GFPT1: variants seen among roughly 807,000 people sequenced by gnomAD.
GFPT1 encodes the protein glutamine--fructose-6-phosphate aminotransferase [isomerizing] 1.
In GFPT1, 40 loss-of-function variants were observed where a neutral mutation model predicts 92.0. The observed-to-expected ratio is 0.43, with a 90% confidence interval of 0.34 to 0.57. GFPT1 has a LOEUF of 0.57. Among genes scored for constraint, GFPT1 ranks in the 20% least tolerant of loss-of-function variants. GFPT1 has a pLI of 0.02. For missense variants in GFPT1, 448 were observed against 869.1 expected, an observed-to-expected ratio of 0.52 and a Z score of 6.09; for synonymous variants, 269 against 280.6, an observed-to-expected ratio of 0.96 and a Z score of 0.41.
Position 69,329,435 on chromosome 2 carries a change from A to G in GFPT1, c.1598-11T>C. 6.3e-7 allele frequency: 1 copy of G among 1,589,298 alleles called. No individual in the cohort carries two copies. On this transcript the variant is annotated splice_polypyrimidine_tract_variant and intron_variant, in intron 16 of 19. Transcript: ENST00000357308. ...CTTCCTTAATCAAATCTAAGAAGTA[A>G]TATTAGCAAAAAAGGACAATAAACC...
At position 69,322,244 on chromosome 2, in the gene GFPT1, C is replaced by G. The variant is rs1670418255; in HGVS notation, c.*3945G>C. The G allele has an allele frequency of 6.6e-6, 1 of 152,176 alleles. No homozygotes were observed. Among genetic ancestry groups the G allele is most frequent in the South Asian group, 2.1e-4 (1 of 4,830 alleles). 9.4% of individuals were successfully genotyped at this position (152,176 alleles called of 1,614,324 possible). A position where few individuals can be genotyped will look rare whatever the true frequency, so the allele number is the denominator to read the frequency against. ...ATGAAAATATCACTCCCTTCAATTT[C>G]TTTGGCCTTCACAAATTCAATGTGA... On this transcript the variant is annotated 3_prime_UTR_variant, in exon 20 of 20. Coordinates refer to ENST00000357308, the MANE Select transcript of GFPT1 (RefSeq NM_001244710.2).
Position 69,337,885 on chromosome 2 carries a change from G to C in GFPT1, c.1482+13C>G. On this transcript the variant is annotated intron_variant, in intron 15 of 19. Coordinates refer to ENST00000357308, the MANE Select transcript of GFPT1 (RefSeq NM_001244710.2). ...GATTAAATAATCATCAGAGAAATGA[G>C]TCAAGAATTTACCTTTGTACTGGCC... 1 of 1,606,986 alleles carries C rather than the reference G, an allele frequency of 6.2e-7. No homozygotes were observed. Among genetic ancestry groups the C allele is most frequent in the South Asian group, 1.1e-5 (1 of 90,924 alleles).
chr2:69,363,873 G>A (rs888447487), intron 3 of GFPT1, among the ~76,000 whole-genome samples: 1 of 152,192 alleles, frequency 6.6e-6, no homozygotes, highest in Admixed American at 6.5e-5. Flanking sequence ...CCAGCACTGT[G>A]GGAGGCCGAG....
rs981757160 is a variant in GFPT1 at position 69,387,206 on chromosome 2, G to A, written c.-135C>T. 14 of 984,510 alleles carry A rather than the reference G, an allele frequency of 1.4e-5. No homozygotes were observed. The highest frequency in any genetic ancestry group is 2.0e-5 in the Non-Finnish European group (14 of 700,470). The allele number at this position is 984,510 out of a possible 1,614,324, so 61.0% of individuals were successfully genotyped here. On this transcript the variant is annotated 5_prime_UTR_variant, in exon 1 of 20. Transcript: ENST00000357308. The stretch of plus-strand genomic sequence containing the variant: ...GACACGACTCCCTCGGGGATGCGAC[G>A]GCCAAGGCAACGACAGCCTTCTCCG...
Position 69,322,391 on chromosome 2 carries a change from A to T in GFPT1, c.*3798T>A, listed in dbSNP as rs1306567025. 6.6e-6 allele frequency: 1 copy of T among 152,204 alleles called. No homozygotes were observed. Among genetic ancestry groups the T allele is most frequent in the Non-Finnish European group, 1.5e-5 (1 of 67,970 alleles). The allele number at this position is 152,204 out of a possible 1,614,324, so 9.4% of individuals were successfully genotyped here. ...TGCTATGGTATATGCTAATTTTTTT[A>T]AAAGGGGAAAAAAAAACCCAGAGAA... On this transcript the variant is annotated 3_prime_UTR_variant, in exon 20 of 20. Coordinates refer to ENST00000357308, the MANE Select transcript of GFPT1 (RefSeq NM_001244710.2).
chr2:69,328,741 C>G (rs2104598936), intron 17 of GFPT1, among the ~76,000 whole-genome samples: 1 of 144,572 alleles, frequency 6.9e-6, no homozygotes, highest in African/African-American at 2.6e-5. Flanking sequence ...TCTTCGATCG[C>G]CCAGGCTGGA....
chr2:69,349,014 T>C (rs772206759), intron 10 of GFPT1, among the ~76,000 whole-genome samples: 5 of 152,114 alleles, frequency 3.3e-5, no homozygotes, highest in Non-Finnish European at 7.4e-5. Flanking sequence ...TCCCTCTACC[T>C]GTTAACCTAA....
chr2:69,344,861 G>A (rs561663007), intron 12 of GFPT1, among the ~76,000 whole-genome samples: 2 of 151,958 alleles, frequency 1.3e-5, no homozygotes, highest in South Asian at 4.2e-4. Context: ...TAGAATTCCT[G>A]AGCTCAAGCG....
At chr2:69,375,052 C>T (rs1671838930) in intron 1 of GFPT1, among the ~76,000 whole-genome samples, 1 of 152,084 alleles carries the variant, frequency 6.6e-6, no homozygotes, top group Admixed American at 6.6e-5. Flanking sequence ...AGCAGTAATA[C>T]AATGTGAACT....
chr2:69,369,965 G>T lies in GFPT1; in HGVS notation c.223+36C>A, dbSNP rs1486418645. 6 of 1,156,060 alleles carry T rather than the reference G, an allele frequency of 5.2e-6. No homozygotes were observed. In the African/African-American group the frequency reaches 6.0e-5, roughly 12 times the overall value. 71.6% of individuals were successfully genotyped at this position (1,156,060 alleles called of 1,614,324 possible). A position where few individuals can be genotyped will look rare whatever the true frequency, so the allele number is the denominator to read the frequency against. On this transcript the variant is annotated intron_variant, in intron 3 of 19. Transcript: ENST00000357308. ...AATGGGGAGGGGAAAAGGAAGAGAAGGGGAAAGGGGACAAAAATCAAATTA... is the reference window on the plus strand; with the variant it reads ...AATGGGGAGGGGAAAAGGAAGAGAATGGGAAAGGGGACAAAAATCAAATTA...
At chr2:69,357,546 A>G (rs1159214436) in intron 6 of GFPT1, among the ~76,000 whole-genome samples, 4 of 152,184 alleles carry the variant, frequency 2.6e-5, no homozygotes, top group African/African-American at 4.8e-5. Flanking sequence ...GGGAAAGGGA[A>G]GGAATAGGCC....
rs1670373803 is a variant in GFPT1, at chr2:69,320,187, C to T, written c.*6002G>A. On this transcript the variant is annotated 3_prime_UTR_variant, in exon 20 of 20. Coordinates refer to ENST00000357308, the MANE Select transcript of GFPT1 (RefSeq NM_001244710.2). The stretch of plus-strand genomic sequence containing the variant: ...CTAGTGATACTGATAACATCTAGAC[C>T]TTTGCAGACGTTTAGAGTACTGTAC... 6.6e-6 allele frequency: 1 copy of T among 152,188 alleles called. No homozygotes were observed. The highest frequency in any genetic ancestry group is 2.1e-4 in the South Asian group (1 of 4,830). 9.4% of individuals were successfully genotyped at this position (152,188 alleles called of 1,614,324 possible).
Position 69,387,147 on chromosome 2 carries a change from G to A in GFPT1, c.-76C>T. 6.8e-7 allele frequency: 1 copy of A among 1,466,908 alleles called. No homozygotes were observed. Among genetic ancestry groups the A allele is most frequent in the Non-Finnish European group, 9.0e-7 (1 of 1,108,654 alleles). 90.9% of individuals were successfully genotyped at this position (1,466,908 alleles called of 1,614,324 possible). A position where few individuals can be genotyped will look rare whatever the true frequency, so the allele number is the denominator to read the frequency against. ...GGGGGTGCACACACGAGCTTCGGTG[G>A]GCAATCTGCGGGCTCGGGGGCCGGG... is the stretch of plus-strand genomic sequence containing the variant. On this transcript the variant is annotated 5_prime_UTR_variant, in exon 1 of 20. Transcript: ENST00000357308.
rs370940175 is a variant in GFPT1 at position 69,357,342 on chromosome 2, C to G, written c.544-785G>C. ...ATAAATATATACAATTATTAACATG[C>G]ACACCATACAACTCCATCAACCCGA... On this transcript the variant is annotated intron_variant, in intron 6 of 19. Transcript: ENST00000357308. 8.5e-5 allele frequency among the ~76,000 whole-genome samples: 13 copies of G among 152,306 alleles called. 2 individuals are homozygous for G. In the East Asian group the frequency reaches 1.4e-3, roughly 16 times the overall value.
intron 15 of GFPT1, among the ~76,000 whole-genome samples, chr2:69,331,922 C>T (rs773865050): frequency 6.6e-6 from 1 of 152,046 alleles, no homozygotes; most frequent in Non-Finnish European, 1.5e-5. Context: ...TTTTTCTCAT[C>T]GTGGACTGAC....
At chr2:69,376,701 C>G (rs2104693072) in intron 1 of GFPT1, among the ~76,000 whole-genome samples, 2 of 152,218 alleles carry the variant, frequency 1.3e-5, no homozygotes, top group Middle Eastern at 3.4e-3. Context: ...GAAAAACTCA[C>G]TCCTAAACTC....
intron 1 of GFPT1, among the ~76,000 whole-genome samples, chr2:69,375,951 G>A (rs1671859877): frequency 6.6e-6 from 1 of 152,228 alleles, no homozygotes; most frequent in African/African-American, 2.4e-5. Flanking sequence ...CTAGAGGGCA[G>A]CAGAAGAGTC....
At chr2:69,336,263 C>T (rs574633901) in intron 15 of GFPT1, among the ~76,000 whole-genome samples, 1 of 145,562 alleles carries the variant, frequency 6.9e-6, no homozygotes, top group Non-Finnish European at 1.5e-5. Flanking sequence ...CGCTTGAACC[C>T]AGGAGGCGGG....
chr2:69,364,066 G>C (rs566294785), intron 3 of GFPT1, among the ~76,000 whole-genome samples: 1 of 147,004 alleles, frequency 6.8e-6, no homozygotes, highest in East Asian at 2.0e-4. Context: ...AGTGAGCTGA[G>C]ATCATGCCAC....
Sources: allele counts gnomAD v4.1 joint callset (sites outside exome capture counted in the v4.1 genomes callset), GRCh38; gene constraint gnomAD v4.1.1; transcripts MANE v1.5; gene names NCBI Gene and HGNC (gene_info 2026-07-23, HGNC 2026-07-21).